The following PTPN5 variants were observed in gnomAD, a reference collection of about 807,000 sequenced individuals.
The protein encoded by PTPN5 is protein tyrosine phosphatase non-receptor type 5.
In PTPN5, 29 loss-of-function variants were observed where a neutral mutation model predicts 73.9. The ratio of observed to expected loss-of-function variants is 0.39; its 90% CI spans 0.29 to 0.54. PTPN5 has a LOEUF of 0.54. Ranked by LOEUF, PTPN5 falls within the 20% of genes least tolerant of loss-of-function variation. The pLI, the probability that PTPN5 is intolerant of heterozygous loss-of-function variation, is 0.65. For synonymous variants in PTPN5, 267 were observed against 304.7 expected (o/e 0.88, Z 1.29); for missense variants, 652 against 751.4 (o/e 0.87, Z 1.55).
chr11:18,742,381 C>A lies in PTPN5; in HGVS notation c.606G>T (p.Glu202Asp). The A allele has an allele frequency of 6.2e-7, 1 of 1,614,166 alleles. No homozygotes were observed. Among genetic ancestry groups the A allele is most frequent in the Non-Finnish European group, 8.5e-7 (1 of 1,180,024 alleles). The change falls in exon 7 of 15, where the codon GAG (glutamate) becomes GAT (aspartate). Residue 202 changes from glutamate (E) to aspartate (D), a missense_variant. By Grantham distance (45) the Glu-to-Asp change is conservative. This residue lies in a region of PTPN5 where 529 missense variants were observed against 573.9 expected (regional missense o/e 0.92). Transcript: ENST00000358540. This position sits in a 1 kb window ranked among gnomAD's most constrained non-coding sequence, Gnocchi z 4.1. ...CCGGGTCGAGGTCCAGGAAGTCATC[C>A]TCGATCTTCTCCTCCATCCACTCTG... ...TYSEWMEEKI[E>D]DDFLDLDPVP...
intron 3 of PTPN5, among the ~76,000 whole-genome samples, chr11:18,758,959 G>A (rs11024785): frequency 0.31 from 46,940 of 152,010 alleles, 8,856 homozygotes; most frequent in Admixed American, 0.47. Context: ...AAGGAAAACG[G>A]AGGATCATTC....
intron 2 of PTPN5, among the ~76,000 whole-genome samples, chr11:18,767,908 T>C (rs1850710120): frequency 6.6e-6 from 1 of 152,210 alleles, no homozygotes; most frequent in South Asian, 2.1e-4. Context: ...GAAGGCTCTT[T>C]CCTCACAGCA....
chr11:18,740,746 A>G lies in PTPN5; in HGVS notation c.772T>C (p.Cys258Arg), dbSNP rs990271050. Residue 258 changes from cysteine to arginine, a missense_variant, in exon 8 of 15, where the codon TGC becomes CGC. Physicochemically the swap from Cys to Arg is radical, Grantham distance 180 (BLOSUM62 -3). Around this residue, in one of 3 missense-constraint regions of PTPN5, gnomAD observed 529 missense variants for 573.9 expected, o/e 0.92. Coordinates refer to ENST00000358540, the MANE Select transcript of PTPN5 (RefSeq NM_006906.2). ...SLTLDMCTPG[C>R]NEEGFGYLMS... Reference sequence around the variant, plus strand: ...AGATAGCCAAAGCCCTCCTCGTTGCAGCCCGGAGTGCACATGTCCAGGGTC... The same window carrying G: ...AGATAGCCAAAGCCCTCCTCGTTGCGGCCCGGAGTGCACATGTCCAGGGTC... The G allele has an allele frequency of 1.9e-6, 3 of 1,596,856 alleles. No homozygotes were observed. The highest frequency in any genetic ancestry group is 2.6e-6 in the Non-Finnish European group (3 of 1,170,222).
chr11:18,783,226 C>T (rs1851522633), intron 1 of PTPN5, among the ~76,000 whole-genome samples: 1 of 152,230 alleles, frequency 6.6e-6, no homozygotes, highest in African/African-American at 2.4e-5. Context: ...CCCAGCCTCC[C>T]TGCCTCATGA....
chr11:18,777,131 A>G (rs988291859), intron 1 of PTPN5, among the ~76,000 whole-genome samples: 1 of 152,278 alleles, frequency 6.6e-6, no homozygotes, highest in South Asian at 2.1e-4. Flanking sequence ...ACAGCACTCC[A>G]GCCTGGGCGA....
chr11:18,728,663 T>C lies in PTPN5; in HGVS notation c.*271A>G. ...TATTGATGGAACCATCGTTAAAAACTGGAGCCCGGGGTCTGCGTGGTGTGG... is the reference window on the plus strand; with the variant it reads ...TATTGATGGAACCATCGTTAAAAACCGGAGCCCGGGGTCTGCGTGGTGTGG... On this transcript the variant is annotated 3_prime_UTR_variant, in exon 15 of 15. Transcript: ENST00000358540. The surrounding 1 kb of genome is among the most constrained non-coding windows in gnomAD (Gnocchi z 4.1). 1 of 405,138 alleles carries C rather than the reference T, an allele frequency of 2.5e-6. No individual in the cohort carries two copies. The highest frequency in any genetic ancestry group is 4.7e-5 in the East Asian group (1 of 21,344). 25.1% of individuals were successfully genotyped at this position (405,138 alleles called of 1,614,324 possible).
chr11:18,751,317 T>C (rs1002524694), intron 3 of PTPN5, among the ~76,000 whole-genome samples: 7 of 152,222 alleles, frequency 4.6e-5, no homozygotes, highest in African/African-American at 1.7e-4. Context: ...GCTCTATGCC[T>C]GGCTCTTCAC....
chr11:18,735,767 CCA>C (rs1491220200), intron 9 of PTPN5, among the ~76,000 whole-genome samples: 18 of 90,354 alleles, frequency 2.0e-4, no homozygotes, highest in East Asian at 2.8e-4. Context: ...TCTGTCTCCC[CCA>C]AAAAAAAAAA....
In PTPN5 at chr11:18,737,873, T is replaced by C; in HGVS notation, c.1000+7A>G. ...GCCCCCATCCCTCTGGGACAGTGAG[T>C]ACTCACTGGGAAGTATGGTTTTGTA... On this transcript the variant is annotated splice_region_variant and intron_variant, in intron 9 of 14. Transcript: ENST00000358540. 1 of 1,612,554 alleles carries C rather than the reference T, an allele frequency of 6.2e-7. No homozygotes were observed. Among genetic ancestry groups the C allele is most frequent in the Non-Finnish European group, 8.5e-7 (1 of 1,178,574 alleles).
At chr11:18,745,968 A>G (rs771442640) in intron 3 of PTPN5, among the ~76,000 whole-genome samples, 101 of 151,698 alleles carry the variant, frequency 6.7e-4, no homozygotes, top group Non-Finnish European at 1.2e-3. Flanking sequence ...AAGAAGTTCC[A>G]TGAAGGCAGA....
rs1440332814 is a variant in PTPN5, at chr11:18,729,404, T to G, written c.1604+49A>C. 3 of 916,198 alleles carry G rather than the reference T, an allele frequency of 3.3e-6. No individual in the cohort carries two copies. The South Asian group carries it at 3.9e-5, about 12-fold the overall frequency. 56.8% of individuals were successfully genotyped at this position (916,198 alleles called of 1,614,324 possible). On this transcript the variant is annotated intron_variant, in intron 14 of 14. Coordinates refer to ENST00000358540, the MANE Select transcript of PTPN5 (RefSeq NM_006906.2). This position sits in a 1 kb window ranked among gnomAD's most constrained non-coding sequence, Gnocchi z 5.2. ...CATGTGGGTCTCTCCCTCTACCCGC[T>G]CGGGGCTCTAGCTCCCTTGTGTGTC...
chr11:18,778,842 C>T (rs35599608), intron 1 of PTPN5, among the ~76,000 whole-genome samples: 2,749 of 152,272 alleles, frequency 0.018, 26 homozygotes, highest in African/African-American at 0.023. Context: ...TGATACACCC[C>T]GGAACTAGAA....
intron 3 of PTPN5, among the ~76,000 whole-genome samples, chr11:18,757,326 A>G (rs1850202148): frequency 6.6e-6 from 1 of 152,218 alleles, no homozygotes; most frequent in Non-Finnish European, 1.5e-5. Context: ...GCAATGCCCA[A>G]TACAAGGGCA....
intron 9 of PTPN5, among the ~76,000 whole-genome samples, chr11:18,737,502 A>G (rs940238612): frequency 4.6e-5 from 7 of 151,522 alleles, no homozygotes; most frequent in African/African-American, 1.7e-4. Flanking sequence ...TAGCTGTGGG[A>G]CTGCAGGTGA....
rs368123191 is a variant in PTPN5 at position 18,733,595 on chromosome 11, G to A, written c.1041C>T (p.Asp347=). 17 of 1,614,198 alleles carry A rather than the reference G, an allele frequency of 1.1e-5. No individual in the cohort carries two copies. Among genetic ancestry groups the A allele is most frequent in the African/African-American group, 2.7e-5 (2 of 75,060 alleles). ...SRVCLTSPDP[D]DPLSSYINAN... ...CATTGATGTAGGAACTCAGAGGGTC[G>A]TCAGGGTCTGGTGAGGTCAGACACA... is the stretch of plus-strand genomic sequence containing the variant. The change falls in exon 10 of 15, where the codon GAC becomes GAT. Residue 347 remains aspartate, a synonymous_variant. Coordinates refer to ENST00000358540, the MANE Select transcript of PTPN5 (RefSeq NM_006906.2). The surrounding 1 kb of genome is among the most constrained non-coding windows in gnomAD (Gnocchi z 4.3).
chr11:18,737,504 T>A (rs754483888), intron 9 of PTPN5, among the ~76,000 whole-genome samples: 2 of 151,584 alleles, frequency 1.3e-5, no homozygotes, highest in African/African-American at 2.4e-5. Context: ...GCTGTGGGAC[T>A]GCAGGTGAGC....
intron 2 of PTPN5, among the ~76,000 whole-genome samples, chr11:18,771,443 G>A (rs1850894016): frequency 6.6e-6 from 1 of 152,162 alleles, no homozygotes; most frequent in Admixed American, 6.5e-5. Context: ...CCACTTCTGG[G>A]CTCCCCCACA....
At chr11:18,751,168 T>C (rs532580062) in intron 3 of PTPN5, among the ~76,000 whole-genome samples, 6 of 152,192 alleles carry the variant, frequency 3.9e-5, no homozygotes, top group African/African-American at 7.2e-5. Context: ...TGATCTCTGT[T>C]CTCACTGGGA....
chr11:18,755,342 C>T (rs954035482), intron 3 of PTPN5, among the ~76,000 whole-genome samples: 7 of 152,206 alleles, frequency 4.6e-5, no homozygotes, highest in East Asian at 1.9e-4. Context: ...TTAGGCCATG[C>T]GGCTAAGTCA....
Sources: allele counts gnomAD v4.1 joint callset (sites outside exome capture counted in the v4.1 genomes callset), GRCh38; gene constraint gnomAD v4.1.1; regional missense constraint gnomAD v4.1.1; non-coding constraint Gnocchi (gnomAD v3.1); transcripts MANE v1.5; gene names NCBI Gene and HGNC (gene_info 2026-07-23, HGNC 2026-07-21).